DRD3: variants seen among roughly 807,000 people sequenced by gnomAD.
The protein encoded by DRD3 is D(3) dopamine receptor.
A neutral mutation model predicts 36.3 loss-of-function variants in DRD3; 19 were observed. That is an observed-to-expected ratio of 0.52 (90% CI 0.36 to 0.77). The LOEUF (loss-of-function observed/expected upper bound fraction) is 0.77, where lower values mean the gene tolerates loss of function less well. DRD3 is among the 30% of genes least tolerant of loss of function. The pLI is 0.00. For synonymous variants in DRD3, 195 were observed against 203.7 expected (o/e 0.96, Z 0.36); for missense variants, 465 against 505.3 (o/e 0.92, Z 0.77).
chr3:114,150,454 C>T (rs866406693), intron 3 of DRD3, among the ~76,000 whole-genome samples: 1 of 152,306 alleles, frequency 6.6e-6, no homozygotes, highest in Middle Eastern at 3.4e-3. Flanking sequence ...AGAGAGAGCT[C>T]CATATAATTT....
chr3:114,186,437 T>C (rs1233310438), intron 1 of DRD3, among the ~76,000 whole-genome samples: 2 of 152,190 alleles, frequency 1.3e-5, no homozygotes, highest in African/African-American at 2.4e-5. Context: ...CTAAATCTTC[T>C]TGAAGTTACT....
Position 114,176,293 on chromosome 3 carries a change from GGAAGTT to G in DRD3, c.-36+2358_-36+2363del, listed in dbSNP as rs2077898254. 4 of 152,132 alleles carry G rather than the reference GGAAGTT, an allele frequency of 2.6e-5. No individual in the cohort carries two copies. In the South Asian group the frequency reaches 8.3e-4, roughly 32 times the overall value. The allele number at this position is 152,132 out of a possible 1,614,324, so 9.4% of individuals were successfully genotyped here. A position where few individuals can be genotyped will look rare whatever the true frequency, so the allele number is the denominator to read the frequency against. On this transcript the variant is annotated intron_variant, in intron 1 of 6. Coordinates refer to ENST00000383673, the MANE Select transcript of DRD3 (RefSeq NM_000796.6). ...TGCATTTTAATACTTATAGCAGCAT[GGAAGTT>G]GACGTTAGTCATTCCCAGCCCTGCT...
chr3:114,189,040 C>T (rs895214103), intron 1 of DRD3, among the ~76,000 whole-genome samples: 3 of 152,134 alleles, frequency 2.0e-5, no homozygotes, highest in East Asian at 3.8e-4. Context: ...TCCACTTGTA[C>T]GTATATTTTA....
intron 2 of DRD3, among the ~76,000 whole-genome samples, chr3:114,169,595 C>A (rs2077819825): frequency 6.6e-6 from 1 of 151,874 alleles, no homozygotes; most frequent in South Asian, 2.1e-4. Context: ...GGGGAGAAAC[C>A]AAAAACTTCA....
chr3:114,184,623 G>C (rs1430799649), intron 1 of DRD3, among the ~76,000 whole-genome samples: 3 of 119,578 alleles, frequency 2.5e-5, no homozygotes, highest in African/African-American at 8.0e-5. Context: ...ATGTGGTAAT[G>C]CTCCTCAGCT....
chr3:114,150,580 TC>T (rs1324468378), intron 3 of DRD3, among the ~76,000 whole-genome samples: 2 of 152,224 alleles, frequency 1.3e-5, no homozygotes, highest in Non-Finnish European at 2.9e-5. Flanking sequence ...AGGCCTCCTT[TC>T]CTGTAAGAGG....
chr3:114,135,104 G>A (rs1472901168), intron 5 of DRD3, among the ~76,000 whole-genome samples: 1 of 151,824 alleles, frequency 6.6e-6, no homozygotes, highest in Non-Finnish European at 1.5e-5. Flanking sequence ...CTAGCCTCTG[G>A]TAACCATGAA....
intron 2 of DRD3, among the ~76,000 whole-genome samples, 194 bp from the exon 3 acceptor site, chr3:114,160,061 A>T (rs554302411): frequency 6.6e-6 from 1 of 152,258 alleles, no homozygotes; most frequent in East Asian, 1.9e-4. Context: ...AAGAAAGGAC[A>T]AGTTCACAGA....
chr3:114,159,224 A>C (rs945417259), intron 3 of DRD3, among the ~76,000 whole-genome samples: 8 of 152,180 alleles, frequency 5.3e-5, no homozygotes, highest in African/African-American at 1.9e-4. Flanking sequence ...AAGCTCTATG[A>C]GAGAAACATA....
At chr3:114,151,897 G>T (rs1035730103) in intron 3 of DRD3, among the ~76,000 whole-genome samples, 1 of 152,210 alleles carries the variant, frequency 6.6e-6, no homozygotes, top group Non-Finnish European at 1.5e-5. Flanking sequence ...GGTGGTTACC[G>T]CTTGCAGAGC....
upstream of DRD3, chr3:114,179,163 C>T (rs1192710884): frequency 1.3e-5 from 2 of 152,166 alleles, no homozygotes; most frequent in African/African-American, 4.8e-5. Context: ...TTGAATAACT[C>T]TCACCTTCCT....
chr3:114,187,226 C>T (rs147607425), intron 1 of DRD3, among the ~76,000 whole-genome samples: 5 of 152,272 alleles, frequency 3.3e-5, no homozygotes, highest in South Asian at 2.1e-4. Flanking sequence ...TAGAAATAAA[C>T]GATCATTATT....
intron 1 of DRD3, among the ~76,000 whole-genome samples, chr3:114,193,238 C>T (rs1010021604): frequency 3.9e-5 from 6 of 152,186 alleles, no homozygotes; most frequent in African/African-American, 1.4e-4. Flanking sequence ...AAGATCGCGC[C>T]ACTGCACTCC....
At chr3:114,190,734 T>G (rs890331409) in intron 1 of DRD3, among the ~76,000 whole-genome samples, 2 of 151,854 alleles carry the variant, frequency 1.3e-5, no homozygotes, top group African/African-American at 4.8e-5. Context: ...TTATAGGAAG[T>G]ACAAAGCAAT....
chr3:114,174,349 A>T (rs952933267), intron 1 of DRD3, among the ~76,000 whole-genome samples: 1 of 152,182 alleles, frequency 6.6e-6, no homozygotes, highest in African/African-American at 2.4e-5. Flanking sequence ...CTGGTGAATA[A>T]TGTCTTAGCC....
At chr3:114,152,512 C>G (rs2077626867) in intron 3 of DRD3, among the ~76,000 whole-genome samples, 2 of 152,156 alleles carry the variant, frequency 1.3e-5, no homozygotes, top group Admixed American at 6.5e-5. Flanking sequence ...TTTTCTTGCT[C>G]TTTTTTAAAC....
intron 1 of DRD3, among the ~76,000 whole-genome samples, chr3:114,174,450 C>G (rs1206064799): frequency 6.6e-6 from 1 of 152,216 alleles, no homozygotes; most frequent in African/African-American, 2.4e-5. Context: ...AGAGGTTTGA[C>G]AGCTACCTAA....
chr3:114,194,244 A>G (rs1217704277), intron 1 of DRD3, among the ~76,000 whole-genome samples: 2 of 152,172 alleles, frequency 1.3e-5, no homozygotes, highest in Non-Finnish European at 2.9e-5. Flanking sequence ...TTCAGAAGGC[A>G]CACCATAGTA....
chr3:114,161,644 T>C (rs16822393), intron 2 of DRD3, among the ~76,000 whole-genome samples: 9,103 of 152,260 alleles, frequency 0.06, 904 homozygotes, highest in African/African-American at 0.21. Context: ...GTTTGACCAA[T>C]TGGCTCTATA....
Sources: allele counts gnomAD v4.1 joint callset (sites outside exome capture counted in the v4.1 genomes callset), GRCh38; gene constraint gnomAD v4.1.1; transcripts MANE v1.5; gene names NCBI Gene and HGNC (gene_info 2026-07-23, HGNC 2026-07-21).